WNT2B: variants seen among roughly 807,000 people sequenced by gnomAD.
The protein encoded by WNT2B is Wnt family member 2B, also known as protein Wnt-2b.
A neutral mutation model predicts 40.5 loss-of-function variants in WNT2B; 19 were observed. The ratio of observed to expected loss-of-function variants is 0.47; its 90% CI spans 0.33 to 0.69. The LOEUF (loss-of-function observed/expected upper bound fraction) is 0.69. WNT2B is among the 30% of genes least tolerant of loss of function. WNT2B has a pLI of 0.02. For missense variants in WNT2B, 467 were observed against 556.4 expected (o/e 0.84, Z 1.62); for synonymous variants, 220 against 211.9 (o/e 1.04, Z -0.33).
chr1:112,517,294 C>T lies in WNT2B; in HGVS notation c.855C>T (p.Thr285=), dbSNP rs368272752. 143 of 1,614,088 alleles carry T rather than the reference C, an allele frequency of 8.9e-5. 1 individual carries two copies. The South Asian group carries it at 1.2e-3, about 14-fold the overall frequency. Residue 285 remains threonine, a synonymous_variant, in exon 4 of 5, where the codon ACC becomes ACT. Transcript: ENST00000369684. ...VMATQDGANF[T]AARQGYRRAT... ...CCACCCAAGATGGTGCCAACTTCAC[C>T]GCAGCCCGCCAAGGCTATCGCCGTG...
chr1:112,519,281 G>A (rs939646704), intron 4 of WNT2B, among the ~76,000 whole-genome samples: 8 of 152,090 alleles, frequency 5.3e-5, no homozygotes, highest in African/African-American at 9.7e-5. Context: ...ATTATAAAAC[G>A]TAAATATTTT....
Position 112,528,346 on chromosome 1 carries a change from T to A in WNT2B, c.*7837T>A, listed in dbSNP as rs1653796365. Reference sequence around the variant, plus strand: ...GAAATTAGAATGCTGAGATCAGGGCTTAAATAATGTGAGGTGACTGTGTGC... The same window carrying A: ...GAAATTAGAATGCTGAGATCAGGGCATAAATAATGTGAGGTGACTGTGTGC... On this transcript the variant is annotated 3_prime_UTR_variant, in exon 5 of 5. Coordinates refer to ENST00000369684, the MANE Select transcript of WNT2B (RefSeq NM_024494.3). 6.6e-6 allele frequency: 1 copy of A among 152,162 alleles called. No homozygotes were observed. Among genetic ancestry groups the A allele is most frequent in the Admixed American group, 6.5e-5 (1 of 15,280 alleles). 9.4% of individuals were successfully genotyped at this position (152,162 alleles called of 1,614,324 possible).
intron 1 of WNT2B, among the ~76,000 whole-genome samples, chr1:112,472,785 A>G (rs1650920588): frequency 1.3e-5 from 2 of 152,024 alleles, no homozygotes; most frequent in African/African-American, 4.8e-5. Context: ...CAACATGGAG[A>G]AACCTTGTCT....
At position 112,509,327 on chromosome 1, in the gene WNT2B, T is replaced by G. The variant is rs751855283; in HGVS notation, c.65T>G (p.Val22Gly). 1.3e-6 allele frequency: 2 copies of G among 1,585,414 alleles called. No individual in the cohort carries two copies. The change falls in exon 1 of 5, where the codon GTC becomes GGC. Residue 22 changes from valine to glycine, a missense_variant. Val to Gly is a moderately radical substitution (Grantham distance 109). This residue lies in a region of WNT2B where 137 missense variants were observed against 117.7 expected (regional missense o/e 1.16). Coordinates refer to ENST00000369684, the MANE Select transcript of WNT2B (RefSeq NM_024494.3). The surrounding 1 kb of genome is among the most constrained non-coding windows in gnomAD (Gnocchi z 4.2). Reference sequence around the variant, plus strand: ...CCGCTTCGGCGCGCCAGCGCCCCGGTCCCTGTGCCGTCGCCCGCGGCCCCC... The same window carrying G: ...CCGCTTCGGCGCGCCAGCGCCCCGGGCCCTGTGCCGTCGCCCGCGGCCCCC... ...QLPLRRASAP[V>G]PVPSPAAPDG...
upstream of WNT2B, among the ~76,000 whole-genome samples, chr1:112,508,373 C>T (rs1478500405): frequency 1.3e-5 from 2 of 150,342 alleles, no homozygotes. The surrounding 1 kb of genome is among the most constrained non-coding windows in gnomAD (Gnocchi z 4.2). Context: ...CAGGTCTAAA[C>T]GTGATGCATT....
At chr1:112,499,815 C>T (rs781728571) in intron 1 of WNT2B, among the ~76,000 whole-genome samples, 1 of 152,188 alleles carries the variant, frequency 6.6e-6, no homozygotes, top group African/African-American at 2.4e-5. Flanking sequence ...AATCATCCAA[C>T]AATCATATAT....
At position 112,517,224 on chromosome 1, in the gene WNT2B, G is replaced by GTGAT. The variant is rs760111451; in HGVS notation, c.787_790dup (p.Tyr264Ter). 1 of 1,614,212 alleles carries GTGAT rather than the reference G, an allele frequency of 6.2e-7. No individual in the cohort carries two copies. Among genetic ancestry groups the GTGAT allele is most frequent in the Non-Finnish European group, 8.5e-7 (1 of 1,180,042 alleles). On this transcript the variant is annotated frameshift_variant, in exon 4 of 5. Transcript: ENST00000369684. LOFTEE classifies it high-confidence loss of function. ...GCACTCTCAGATTTCCGCCGCACAG[G>GTGAT]TGATTACCTGCGGCGACGCTATGAT...
At chr1:112,487,408 T>C (rs2101061495) in intron 1 of WNT2B, among the ~76,000 whole-genome samples, 1 of 152,304 alleles carries the variant, frequency 6.6e-6, no homozygotes, top group South Asian at 2.1e-4. Flanking sequence ...CTATCATAAA[T>C]TTAAAATACC....
chr1:112,496,758 G>A (rs905676753), intron 1 of WNT2B, among the ~76,000 whole-genome samples: 10 of 151,838 alleles, frequency 6.6e-5, no homozygotes, highest in Admixed American at 2.6e-4. Flanking sequence ...GTACCACTAC[G>A]CCCGGCTACT....
Position 112,483,577 on chromosome 1 carries a change from T to C in WNT2B, c.-95+15986T>C, listed in dbSNP as rs1651300182. On this transcript the variant is annotated intron_variant, in intron 1 of 4. Coordinates refer to the WNT2B transcript ENST00000256640. ...TGATATTGGCCTGGGAAATGATTTT[T>C]TTTTTGATGTGACACAAAAAGCACA... is the stretch of plus-strand genomic sequence containing the variant. Among the ~76,000 whole-genome samples, 3 of 152,100 alleles carry C rather than the reference T, an allele frequency of 2.0e-5. No homozygotes were observed. The South Asian group carries it at 6.2e-4, about 31-fold the overall frequency.
chr1:112,469,285 T>C (rs1650799501), intron 1 of WNT2B, among the ~76,000 whole-genome samples: 1 of 152,242 alleles, frequency 6.6e-6, no homozygotes, highest in South Asian at 2.1e-4. Flanking sequence ...TCCACTTTAT[T>C]GTTTTTGCTC....
rs928515533 is a variant in WNT2B, at chr1:112,524,772, G to A, written c.*4263G>A. On this transcript the variant is annotated 3_prime_UTR_variant, in exon 5 of 5. Coordinates refer to ENST00000369684, the MANE Select transcript of WNT2B (RefSeq NM_024494.3). ...TGAGGTTACACACACACACACAGAG[G>A]TGTACATATACAGACACATAGAGAA... The A allele has an allele frequency of 2.0e-5, 3 of 152,102 alleles. No homozygotes were observed. Among genetic ancestry groups the A allele is most frequent in the Non-Finnish European group, 4.4e-5 (3 of 68,022 alleles). The allele number at this position is 152,102 out of a possible 1,614,324, so 9.4% of individuals were successfully genotyped here. A position where few individuals can be genotyped will look rare whatever the true frequency, so the allele number is the denominator to read the frequency against.
At chr1:112,508,205 G>A (rs891845446), upstream of WNT2B, among the ~76,000 whole-genome samples, 10 of 151,970 alleles carry the variant, frequency 6.6e-5, no homozygotes, top group African/African-American at 2.4e-4. The surrounding 1 kb of genome is among the most constrained non-coding windows in gnomAD (Gnocchi z 4.2). Context: ...CCGAGAGGGT[G>A]GAGGACCGAG....
intron 1 of WNT2B, among the ~76,000 whole-genome samples, chr1:112,475,949 A>T (rs1651043946): frequency 6.6e-6 from 1 of 152,208 alleles, no homozygotes; most frequent in African/African-American, 2.4e-5. Context: ...AGACATGTAT[A>T]GGGTAAATTA....
intron 1 of WNT2B, among the ~76,000 whole-genome samples, chr1:112,478,658 C>T (rs1651126348): frequency 6.6e-6 from 1 of 152,010 alleles, no homozygotes; most frequent in South Asian, 2.1e-4. Flanking sequence ...TGGTGGCTCA[C>T]ACCTGTAACC....
chr1:112,509,633 G>C lies in WNT2B; in HGVS notation c.182+189G>C. On this transcript the variant is annotated intron_variant, in intron 1 of 4. Transcript: ENST00000369684. The surrounding 1 kb of genome is among the most constrained non-coding windows in gnomAD (Gnocchi z 4.2). ...TGAGGCGCCGCGTCTTACACGACTG[G>C]TGAGAAAGGCGCTGGGCATTCGGAG... 6.6e-6 allele frequency among the ~76,000 whole-genome samples: 1 copy of C among 152,242 alleles called. No individual in the cohort carries two copies. Among genetic ancestry groups the C allele is most frequent in the East Asian group, 1.9e-4 (1 of 5,200 alleles).
chr1:112,468,517 T>C (rs1477719229), intron 1 of WNT2B, among the ~76,000 whole-genome samples: 1 of 152,194 alleles, frequency 6.6e-6, no homozygotes, highest in Non-Finnish European at 1.5e-5. Context: ...CGATATCTCA[T>C]TTTGGTTTTG....
At chr1:112,467,485 C>T in exon 1 of WNT2B, 1 of 771,806 alleles carries the variant, frequency 1.3e-6, no homozygotes, top group Non-Finnish European at 2.4e-6. Context: ...TAACTGCAAT[C>T]TGTTAACACT....
chr1:112,527,020 C>A lies in WNT2B; in HGVS notation c.*6511C>A, dbSNP rs988535972. The A allele has an allele frequency of 6.6e-6, 1 of 152,242 alleles. No homozygotes were observed. Among genetic ancestry groups the A allele is most frequent in the Non-Finnish European group, 1.5e-5 (1 of 68,066 alleles). 9.4% of individuals were successfully genotyped at this position (152,242 alleles called of 1,614,324 possible). On this transcript the variant is annotated 3_prime_UTR_variant, in exon 5 of 5. Transcript: ENST00000369684. ...AGATTTTCACTTGATCAAACACTTGCTGCTCTCAACCCCTCTTTGTTTTCC... is the reference window on the plus strand; with the variant it reads ...AGATTTTCACTTGATCAAACACTTGATGCTCTCAACCCCTCTTTGTTTTCC...
Sources: gnomAD v4.1 joint callset for allele counts (sites outside exome capture counted in the v4.1 genomes callset) on GRCh38, gnomAD v4.1.1 for gene constraint, gnomAD v4.1.1 regional missense constraint, Gnocchi (gnomAD v3.1) non-coding constraint, MANE v1.5 for transcripts, NCBI Gene and HGNC (gene_info 2026-07-23, HGNC 2026-07-21) for gene names.